The following SH3PXD2B variants were observed in gnomAD, a reference collection of about 807,000 sequenced individuals.
The protein encoded by SH3PXD2B is SH3 and PX domain-containing protein 2B.
In SH3PXD2B, 37 loss-of-function variants were observed where a neutral mutation model predicts 73.1. That is an observed-to-expected ratio of 0.51 (90% confidence interval 0.39 to 0.67). The LOEUF (loss-of-function observed/expected upper bound fraction) is 0.67. Ranked by LOEUF, SH3PXD2B falls within the 30% of genes least tolerant of loss-of-function variation. The pLI, the probability that SH3PXD2B is intolerant of heterozygous loss-of-function variation, is 0.00. For synonymous variants in SH3PXD2B, 457 were observed against 480.5 expected, an observed-to-expected ratio of 0.95 and a Z score of 0.64; for missense variants, 1,053 against 1,197.8, an observed-to-expected ratio of 0.88 and a Z score of 1.78.
chr5:172,367,488 A>G (rs542646472), intron 6 of SH3PXD2B, among the ~76,000 whole-genome samples: 111 of 151,046 alleles, frequency 7.3e-4, no homozygotes, highest in Non-Finnish European at 1.5e-3. Flanking sequence ...TCAGCCTCCC[A>G]AAGTGCTGGG....
At chr5:172,382,934 C>T (rs958005835) in intron 4 of SH3PXD2B, among the ~76,000 whole-genome samples, 7 of 150,294 alleles carry the variant, frequency 4.7e-5, no homozygotes, top group Non-Finnish European at 1.0e-4. Context: ...GACAGGGTTT[C>T]GGCATGTTGG....
At chr5:172,428,237 T>C (rs1759147989) in intron 1 of SH3PXD2B, among the ~76,000 whole-genome samples, 1 of 152,154 alleles carries the variant, frequency 6.6e-6, no homozygotes, top group South Asian at 2.1e-4. Context: ...AAGTCTTGGT[T>C]GTAAGGAAAC....
chr5:172,414,393 C>T (rs983900798), intron 2 of SH3PXD2B, among the ~76,000 whole-genome samples: 40 of 147,902 alleles, frequency 2.7e-4, no homozygotes, highest in Non-Finnish European at 1.5e-4. Flanking sequence ...CGTTTGAACC[C>T]GGGAAGCGGA....
intron 1 of SH3PXD2B, among the ~76,000 whole-genome samples, chr5:172,450,077 C>T (rs951737764): frequency 1.3e-5 from 2 of 151,960 alleles, no homozygotes; most frequent in African/African-American, 4.8e-5. Flanking sequence ...GGCAAATGGG[C>T]GTGGGGGATC....
intron 1 of SH3PXD2B, among the ~76,000 whole-genome samples, chr5:172,427,469 C>T (rs925355074): frequency 1.6e-4 from 25 of 152,116 alleles, no homozygotes; most frequent in Admixed American, 6.6e-4. Context: ...CCTCAGCCTC[C>T]GAAGTAGCTG....
chr5:172,345,621 A>G (rs1480420923), intron 12 of SH3PXD2B, among the ~76,000 whole-genome samples: 1 of 152,188 alleles, frequency 6.6e-6, no homozygotes, highest in Non-Finnish European at 1.5e-5. Flanking sequence ...TGAAGCTCTA[A>G]CCCCATGAGG....
chr5:172,369,594 C>A (rs1371297570), intron 6 of SH3PXD2B, among the ~76,000 whole-genome samples: 2 of 152,110 alleles, frequency 1.3e-5, no homozygotes, highest in African/African-American at 4.8e-5. Context: ...ATAATGAAAT[C>A]CCGTCTGTAC....
chr5:172,394,705 G>T, intron 3 of SH3PXD2B, 66 bp from the exon 4 acceptor site: 2 of 1,563,414 alleles, frequency 1.3e-6, no homozygotes, highest in East Asian at 2.3e-5. Context: ...CAACCTGAGA[G>T]GGTGTGGACA....
intron 2 of SH3PXD2B, among the ~76,000 whole-genome samples, chr5:172,410,469 C>T (rs564200819): frequency 6.6e-6 from 1 of 152,254 alleles, no homozygotes; most frequent in South Asian, 2.1e-4. Context: ...CTCTTCAATG[C>T]CAGCACATAG....
Position 172,338,892 on chromosome 5 carries a change from G to C in SH3PXD2B, c.2213C>G (p.Pro738Arg), listed in dbSNP as rs1391152874. The C allele has an allele frequency of 6.2e-7, 1 of 1,613,880 alleles. No homozygotes were observed. Among genetic ancestry groups the C allele is most frequent in the East Asian group, 2.2e-5 (1 of 44,878 alleles). ...AGGAACAGGCACGCTCTTAGACACA[G>C]GATCTGTGGTCTTGGCTGGCCTCGG... ...APPRPAKTTDPVSKSVPVPLQ... is the reference protein window; with the variant it reads ...APPRPAKTTDRVSKSVPVPLQ... The change falls in exon 13 of 13, where the codon CCT becomes CGT. Residue 738 changes from proline (P) to arginine (R), a missense_variant. Pro to Arg is a moderately radical substitution (Grantham distance 103, BLOSUM62 -2). This residue lies in a region of SH3PXD2B where 587 missense variants were observed against 590.7 expected (regional missense o/e 0.99). Transcript: ENST00000311601. This position sits in a 1 kb window ranked among gnomAD's most constrained non-coding sequence, Gnocchi z 5.1.
At chr5:172,418,928 C>T (rs571925920) in intron 2 of SH3PXD2B, among the ~76,000 whole-genome samples, 7 of 152,166 alleles carry the variant, frequency 4.6e-5, no homozygotes, top group Non-Finnish European at 7.4e-5. Flanking sequence ...CAGGAAGACC[C>T]GTGATCAAAC....
chr5:172,385,519 C>T (rs1448214720), intron 4 of SH3PXD2B, among the ~76,000 whole-genome samples: 2 of 152,222 alleles, frequency 1.3e-5, no homozygotes, highest in Non-Finnish European at 2.9e-5. Context: ...ACCTTCCCTA[C>T]GTGCCTAGAC....
At chr5:172,383,839 CCTTTCTTT>C (rs34055868) in intron 4 of SH3PXD2B, among the ~76,000 whole-genome samples, 1 of 150,084 alleles carries the variant, frequency 6.7e-6, no homozygotes, top group Non-Finnish European at 1.5e-5. Context: ...TCTTGCATTT[CCTTTCTTT>C]CTTTCTTTTT....
chr5:172,379,200 C>T (rs770748310), intron 5 of SH3PXD2B, among the ~76,000 whole-genome samples: 4 of 151,502 alleles, frequency 2.6e-5, no homozygotes, highest in Non-Finnish European at 5.9e-5. Flanking sequence ...CGTGGAGCCC[C>T]CCGGATAGGA....
At chr5:172,326,015 G>A (rs1377565048) in intron 12 of SH3PXD2B, among the ~76,000 whole-genome samples, 1 of 152,164 alleles carries the variant, frequency 6.6e-6, no homozygotes, top group Admixed American at 6.5e-5. Context: ...TCGAGCTCCC[G>A]ACCTCAGGTG....
chr5:172,425,964 T>G (rs1759086955), intron 1 of SH3PXD2B, among the ~76,000 whole-genome samples: 1 of 152,080 alleles, frequency 6.6e-6, no homozygotes, highest in African/African-American at 2.4e-5. Flanking sequence ...TGGGGATGCT[T>G]AAGCTAGGTT....
chr5:172,396,545 C>T (rs1758302602), intron 3 of SH3PXD2B, among the ~76,000 whole-genome samples: 1 of 151,594 alleles, frequency 6.6e-6, no homozygotes, highest in African/African-American at 2.4e-5. Context: ...AACTGGACAA[C>T]TTGCTCTGGT....
chr5:172,331,460 C>T (rs1448914443), downstream of SH3PXD2B, among the ~76,000 whole-genome samples: 2 of 152,062 alleles, frequency 1.3e-5, no homozygotes, highest in African/African-American at 2.4e-5. Context: ...GATTAGGAAG[C>T]GTGAGTTGCA....
At chr5:172,368,576 A>ATAT (rs1561908286) in intron 6 of SH3PXD2B, among the ~76,000 whole-genome samples, 4 of 13,840 alleles carry the variant, frequency 2.9e-4, no homozygotes, top group African/African-American at 1.8e-3. Flanking sequence ...AAAATATGTT[A>ATAT]TATATATATA....
Sources: allele counts gnomAD v4.1 joint callset (sites outside exome capture counted in the v4.1 genomes callset), GRCh38; gene constraint gnomAD v4.1.1; regional missense constraint gnomAD v4.1.1; non-coding constraint Gnocchi (gnomAD v3.1); transcripts MANE v1.5; gene names NCBI Gene and HGNC (gene_info 2026-07-23, HGNC 2026-07-21).